AGBL2: variants seen among roughly 807,000 people sequenced by gnomAD.
The protein encoded by AGBL2 is AGBL carboxypeptidase 2.
A neutral mutation model predicts 103.0 loss-of-function variants in AGBL2; 87 were observed. The ratio of observed to expected loss-of-function variants is 0.84; its 90% CI spans 0.71 to 1.01. AGBL2 has a LOEUF of 1.01. Ranked by LOEUF, AGBL2 falls within the 50% of genes least tolerant of loss-of-function variation. AGBL2 has a pLI of 0.00. For missense variants in AGBL2, 904 were observed against 1,023.5 expected (o/e 0.88, Z 1.59); for synonymous variants, 335 against 356.7 (o/e 0.94, Z 0.69).
At chr11:47,671,579 C>T (rs959258994) in intron 14 of AGBL2, among the ~76,000 whole-genome samples, 7 of 151,964 alleles carry the variant, frequency 4.6e-5, no homozygotes, top group African/African-American at 7.2e-5. Context: ...GCACAGAGCT[C>T]GAATCACATG....
intron 7 of AGBL2, among the ~76,000 whole-genome samples, chr11:47,703,940 A>AT (rs60746776): frequency 3.2e-5 from 3 of 94,426 alleles, no homozygotes; most frequent in African/African-American, 5.5e-5. Context: ...AAAAAAAAAA[A>AT]CAAAAAAAAA....
Position 47,659,939 on chromosome 11 carries a change from AT to A in AGBL2, c.*233del. On this transcript the variant is annotated 3_prime_UTR_variant, in exon 19 of 19. Transcript: ENST00000525123. The stretch of plus-strand genomic sequence containing the variant: ...AACACACTTCAGTTTCTGATAAAGC[AT>A]TTTTACACATCATAATAAAATTTCA... 2.5e-6 allele frequency: 1 copy of A among 395,350 alleles called. No homozygotes were observed. The highest frequency in any genetic ancestry group is 2.1e-5 in the African/African-American group (1 of 48,718). 24.5% of individuals were successfully genotyped at this position (395,350 alleles called of 1,614,324 possible).
chr11:47,693,162 CCCTT>C (rs1010412774), intron 8 of AGBL2, among the ~76,000 whole-genome samples: 20 of 151,590 alleles, frequency 1.3e-4, no homozygotes, highest in African/African-American at 4.8e-4. Flanking sequence ...CTCCCTCCCT[CCCTT>C]CCTTCCTTCC....
intron 8 of AGBL2, among the ~76,000 whole-genome samples, chr11:47,696,020 A>AAG (rs2097469697): frequency 6.5e-5 from 2 of 30,968 alleles, no homozygotes; most frequent in Non-Finnish European, 1.2e-4. Context: ...CAAAAAAAAA[A>AAG]AAAAAAAAAA....
At position 47,685,957 on chromosome 11, in the gene AGBL2, T is replaced by A. The variant is rs761205356; in HGVS notation, c.1724A>T (p.Asn575Ile). 6.8e-6 allele frequency: 11 copies of A among 1,614,082 alleles called. No individual in the cohort carries two copies. The highest frequency in any genetic ancestry group is 8.5e-6 in the Non-Finnish European group (10 of 1,179,958). ...NIFLYGCNNN[N>I]RKYWLHERVF... ...TCGTTCATGAAGCCAGTATTTGCGATTGTTGTTATTACAGCCATACAGGAA... is the reference window on the plus strand; with the variant it reads ...TCGTTCATGAAGCCAGTATTTGCGAATGTTGTTATTACAGCCATACAGGAA... The change falls in exon 11 of 19, where the codon AAT becomes ATT. Residue 575 changes from asparagine to isoleucine, a missense_variant. Coordinates refer to ENST00000525123, the MANE Select transcript of AGBL2 (RefSeq NM_024783.4).
chr11:47,667,679 C>A lies in AGBL2; in HGVS notation c.2232G>T (p.Lys744Asn). 6.2e-7 allele frequency: 1 copy of A among 1,611,646 alleles called. No homozygotes were observed. The highest frequency in any genetic ancestry group is 8.5e-7 in the Non-Finnish European group (1 of 1,179,614). The change falls in exon 16 of 19, where the codon AAG (lysine) becomes AAT (asparagine). Residue 744 changes from lysine to asparagine, a missense_variant. Physicochemically the swap from Lys to Asn is moderately conservative, Grantham distance 94. Transcript: ENST00000525123. ...NIADELTQKK[K>N]MFKKKKKKSL... The stretch of plus-strand genomic sequence containing the variant: ...ACTTCTTTTTTTTCTTCTTAAACAT[C>A]TTCTTTTTCTGAGTCAGCTATTCCA...
intron 1 of AGBL2, chr11:47,714,964 T>C: frequency 2.8e-6 from 1 of 362,180 alleles, no homozygotes; most frequent in Non-Finnish European, 5.2e-6. Context: ...TCCCTTTCCC[T>C]GAGAAAGGAG....
At chr11:47,697,610 A>G in intron 8 of AGBL2, among the ~76,000 whole-genome samples, 1 of 133,312 alleles carries the variant, frequency 7.5e-6, no homozygotes, top group South Asian at 2.3e-4. Context: ...CAGTGGCGCA[A>G]TCTTGGCTCA....
At chr11:47,674,940 G>A (rs1565018966) in intron 14 of AGBL2, among the ~76,000 whole-genome samples, 2 of 152,112 alleles carry the variant, frequency 1.3e-5, no homozygotes, top group East Asian at 1.9e-4. Context: ...CTCCATGTTG[G>A]TTAGGCTGGT....
intron 18 of AGBL2, 71 bp downstream of exon 18, chr11:47,662,955 A>G: frequency 7.9e-7 from 1 of 1,272,280 alleles, no homozygotes; most frequent in Non-Finnish European, 1.1e-6. Context: ...TCCAAATCAC[A>G]TAATACATTT....
rs1206574693 is a variant in AGBL2, at chr11:47,706,890, CCAAAAA to C, written c.233-979_233-974del. Among the ~76,000 whole-genome samples, 8 of 53,240 alleles carry C rather than the reference CCAAAAA, an allele frequency of 1.5e-4. 1 individual carries two copies. The highest frequency in any genetic ancestry group is 5.5e-4 in the South Asian group (1 of 1,822). The allele number at this position is 53,240 out of a possible 152,430, so 34.9% of individuals were successfully genotyped here. The stretch of plus-strand genomic sequence containing the variant: ...ATGGTGAAACCCTGTCTCTACTATT[CCAAAAA>C]AAAAAAAAAAAAAAAAAGAATTAGC... On this transcript the variant is annotated intron_variant, in intron 4 of 18. Coordinates refer to ENST00000525123, the MANE Select transcript of AGBL2 (RefSeq NM_024783.4).
At chr11:47,706,409 G>C (rs2097519612) in intron 4 of AGBL2, among the ~76,000 whole-genome samples, 1 of 152,108 alleles carries the variant, frequency 6.6e-6, no homozygotes, top group Admixed American at 6.5e-5. Flanking sequence ...CCAGCTACTC[G>C]AGAGGCTGAG....
At chr11:47,671,588 T>C (rs767231223) in intron 14 of AGBL2, among the ~76,000 whole-genome samples, 4 of 152,068 alleles carry the variant, frequency 2.6e-5, no homozygotes, top group Non-Finnish European at 5.9e-5. Context: ...TCGAATCACA[T>C]GGGAGAAGTC....
At position 47,698,168 on chromosome 11, in the gene AGBL2, AT is replaced by A. The variant is rs35161992; in HGVS notation, c.694+1277del. Among the ~76,000 whole-genome samples the A allele has an allele frequency of 2.9e-3, 235 of 79,808 alleles. 1 individual carries two copies. Among genetic ancestry groups the A allele is most frequent in the African/African-American group, 8.8e-3 (163 of 18,580 alleles). 52.4% of individuals were successfully genotyped at this position (79,808 alleles called of 152,430 possible). On this transcript the variant is annotated intron_variant, in intron 8 of 18. Coordinates refer to ENST00000525123, the MANE Select transcript of AGBL2 (RefSeq NM_024783.4). ...TGAGCCACCAAGCCCAGTCTACATA[AT>A]TTTTTTTTTTTTTTTTTTTTTGAGA...
intron 11 of AGBL2, among the ~76,000 whole-genome samples, chr11:47,682,978 G>GGAAAAGAAGGAAA (rs939279116): frequency 1.1e-4 from 15 of 142,416 alleles, no homozygotes; most frequent in Non-Finnish European, 2.0e-4. Context: ...GATAAGAGAA[G>GGAAAAGAAGGAAA]GAAAAGAAGG....
At position 47,714,105 on chromosome 11, in the gene AGBL2, AGAGGT is replaced by A. The variant is rs1272187073; in HGVS notation, c.97+174_97+178del. On this transcript the variant is annotated intron_variant, in intron 3 of 18. Coordinates refer to ENST00000525123, the MANE Select transcript of AGBL2 (RefSeq NM_024783.4). ...TATTAAGTGATGCTGTCTACTTGAC[AGAGGT>A]GACCCGCAGATCAATGGGGAAAGGA... 6.8e-6 allele frequency: 4 copies of A among 591,598 alleles called. No individual in the cohort carries two copies. The African/African-American group carries it at 7.5e-5, about 11-fold the overall frequency. 36.6% of individuals were successfully genotyped at this position (591,598 alleles called of 1,614,324 possible).
chr11:47,683,302 G>A (rs1373227322), intron 11 of AGBL2, among the ~76,000 whole-genome samples: 1 of 152,050 alleles, frequency 6.6e-6, no homozygotes, highest in African/African-American at 2.4e-5. Context: ...GAACCTGGGA[G>A]GAGGAGGTTG....
rs1319840490 is a variant in AGBL2, at chr11:47,680,040, T to C, written c.1949A>G (p.Asp650Gly). 1 of 1,612,002 alleles carries C rather than the reference T, an allele frequency of 6.2e-7. No homozygotes were observed. Among genetic ancestry groups the C allele is most frequent in the East Asian group, 2.2e-5 (1 of 44,864 alleles). Residue 650 changes from aspartate (D) to glycine (G), a missense_variant, in exon 13 of 19, where the codon GAT (aspartate) becomes GGT (glycine). Physicochemically the swap from Asp to Gly is moderately conservative, Grantham distance 94. Transcript: ENST00000525123. Reference sequence around the variant, plus strand: ...GACATGATAACCTAAGGACTTCAGATCTTCGATGGTAAAGTGGGTGTCTCT... The same window carrying C: ...GACATGATAACCTAAGGACTTCAGACCTTCGATGGTAAAGTGGGTGTCTCT... The part of the protein sequence containing the change: ...NKRDTHFTIE[D>G]LKSLGYHVCD...
Position 47,690,213 on chromosome 11 carries a change from A to G in AGBL2, c.1494T>C (p.Leu498=). ...TCACACCATCTGGATTTAACATGGG[A>G]AGCACCTTGAAGACAAAAATATCTC... ...LLRDIFVFKV[L]PMLNPDGVIV... is the part of the protein sequence containing the mutation. Residue 498 remains leucine, a synonymous_variant, in exon 10 of 19, where the codon CTT becomes CTC. Transcript: ENST00000525123. 6.2e-7 allele frequency: 1 copy of G among 1,614,174 alleles called. No individual in the cohort carries two copies. Among genetic ancestry groups the G allele is most frequent in the Non-Finnish European group, 8.5e-7 (1 of 1,180,046 alleles).
Sources: gnomAD v4.1 joint callset for allele counts (sites outside exome capture counted in the v4.1 genomes callset) on GRCh38, gnomAD v4.1.1 for gene constraint, MANE v1.5 for transcripts, NCBI Gene and HGNC (gene_info 2026-07-23, HGNC 2026-07-21) for gene names.